The following TENM2 variants were observed in gnomAD, a reference collection of about 807,000 sequenced individuals.
TENM2 encodes the protein teneurin transmembrane protein 2.
TENM2 carries 52 observed loss-of-function variants against 245.2 expected under a neutral mutation model. The ratio of observed to expected loss-of-function variants is 0.21; its 90% confidence interval spans 0.17 to 0.27. The LOEUF (loss-of-function observed/expected upper bound fraction) is 0.27, where lower values mean the gene tolerates loss of function less well. TENM2 is among the 10% of genes least tolerant of loss of function. The probability of loss-of-function intolerance (pLI) is 1.00; values close to 1 mark genes in which losing one functional copy is unlikely to be tolerated. For synonymous variants in TENM2, 1,363 were observed against 1,438.9 expected, an observed-to-expected ratio of 0.95 and a Z score of 1.19; for missense variants, 3,046 against 3,666.8, an observed-to-expected ratio of 0.83 and a Z score of 4.37.
intron 2 of TENM2, among the ~76,000 whole-genome samples, chr5:167,702,420 A>G (rs925376384): frequency 2.0e-5 from 3 of 151,772 alleles, no homozygotes; most frequent in Non-Finnish European, 4.4e-5. Flanking sequence ...TCTTGCCAAC[A>G]CACTTGCTTA....
At chr5:167,710,625 C>G (rs1758846960) in intron 2 of TENM2, among the ~76,000 whole-genome samples, 1 of 152,068 alleles carries the variant, frequency 6.6e-6, no homozygotes, top group Non-Finnish European at 1.5e-5. Flanking sequence ...CTTGCCATGA[C>G]ATAAATTAGG....
At chr5:168,223,213 C>T (rs958022126) in intron 23 of TENM2, among the ~76,000 whole-genome samples, 1 of 152,162 alleles carries the variant, frequency 6.6e-6, no homozygotes, top group African/African-American at 2.4e-5. Flanking sequence ...GTAGAAACTC[C>T]AATTCCTACT....
chr5:167,389,048 A>G (rs1184129256), intron 2 of TENM2, among the ~76,000 whole-genome samples: 3 of 152,040 alleles, frequency 2.0e-5, no homozygotes. Context: ...CTCAAAATAA[A>G]ACAGAATCCT....
chr5:167,051,977 C>T, the TENM2 span, among the ~76,000 whole-genome samples: 23,152 of 151,890 alleles, frequency 0.15, 2,617 homozygotes, highest in East Asian at 0.4. Context: ...TTTTTCTTTG[C>T]GCTTTTGAAT....
chr5:167,415,676 A>T (rs772108352), intron 2 of TENM2, among the ~76,000 whole-genome samples: 2 of 152,138 alleles, frequency 1.3e-5, no homozygotes, highest in African/African-American at 2.4e-5. Context: ...GAAGCAAAAA[A>T]AAAAGTACTG....
intron 3 of TENM2, among the ~76,000 whole-genome samples, chr5:167,897,404 A>C (rs1429042228): frequency 6.6e-6 from 1 of 152,160 alleles, no homozygotes; most frequent in Non-Finnish European, 1.5e-5. Flanking sequence ...CAAAAACAAT[A>C]TTAGCTAAAG....
chr5:168,077,924 A>G (rs1397874530), intron 7 of TENM2, among the ~76,000 whole-genome samples: 1 of 152,200 alleles, frequency 6.6e-6, no homozygotes, highest in East Asian at 1.9e-4. Flanking sequence ...ATGATTTATA[A>G]TCCTTTGGGT....
intron 2 of TENM2, among the ~76,000 whole-genome samples, chr5:167,547,521 A>C (rs1156308068): frequency 6.6e-6 from 1 of 152,194 alleles, no homozygotes; most frequent in African/African-American, 2.4e-5. Flanking sequence ...TCTTAAATTT[A>C]TTTCTTTTTA....
intron 2 of TENM2, among the ~76,000 whole-genome samples, chr5:167,551,217 C>T (rs1772917592): frequency 6.6e-6 from 1 of 152,140 alleles, no homozygotes. Context: ...GTGTAAAGTG[C>T]TTATTACGTC....
At chr5:168,080,590 A>G (rs531390393) in intron 7 of TENM2, among the ~76,000 whole-genome samples, 20 of 151,674 alleles carry the variant, frequency 1.3e-4, no homozygotes, top group Non-Finnish European at 2.7e-4. Flanking sequence ...TTCCCTCTAC[A>G]CACGGTTTTA....
chr5:167,755,240 C>T (rs1762231735), intron 2 of TENM2: 3 of 1,417,148 alleles, frequency 2.1e-6, no homozygotes, highest in Non-Finnish European at 3.0e-6. Flanking sequence ...AAGCACCTGT[C>T]CTCACTGACA....
At chr5:168,237,819 CTTG>C (rs1231537722) in intron 25 of TENM2, among the ~76,000 whole-genome samples, 1 of 151,786 alleles carries the variant, frequency 6.6e-6, no homozygotes, top group East Asian at 1.9e-4. Context: ...AGCATTGAGT[CTTG>C]TTGTGTGGGA....
At chr5:167,299,451 G>T (rs1188186245) in intron 1 of TENM2, among the ~76,000 whole-genome samples, 1 of 152,160 alleles carries the variant, frequency 6.6e-6, no homozygotes, top group East Asian at 1.9e-4. Flanking sequence ...AGTCCTGGGT[G>T]GGGGCAAATC....
intron 2 of TENM2, among the ~76,000 whole-genome samples, chr5:167,808,433 T>A (rs1405951480): frequency 6.6e-6 from 1 of 152,146 alleles, no homozygotes; most frequent in Non-Finnish European, 1.5e-5. Flanking sequence ...CTAATTTTTA[T>A]ATTTTTAGTA....
At chr5:167,843,030 T>C (rs1769695123) in intron 2 of TENM2, among the ~76,000 whole-genome samples, 1 of 152,198 alleles carries the variant, frequency 6.6e-6, no homozygotes, top group Admixed American at 6.5e-5. Flanking sequence ...TTTGAGATGA[T>C]TGTATTGGTA....
intron 2 of TENM2, among the ~76,000 whole-genome samples, chr5:167,705,387 G>T (rs1758435515): frequency 6.6e-6 from 1 of 152,170 alleles, no homozygotes; most frequent in South Asian, 2.1e-4. Flanking sequence ...ATAGAAACCT[G>T]AGTGTGCCTG....
chr5:167,065,065 A>C, the TENM2 span, among the ~76,000 whole-genome samples: 1 of 152,200 alleles, frequency 6.6e-6, no homozygotes, highest in Non-Finnish European at 1.5e-5. Context: ...CACAGTAATA[A>C]AAATAAAGTA....
chr5:168,217,110 G>A (rs1196280603), intron 22 of TENM2, among the ~76,000 whole-genome samples, 188 bp downstream of exon 24: 8 of 150,032 alleles, frequency 5.3e-5, no homozygotes, highest in Non-Finnish European at 7.4e-5. Context: ...AGATAGGTAT[G>A]AGAGAGAGAG....
At chr5:167,478,990 A>ATGTGTGTG (rs58286500) in intron 2 of TENM2, among the ~76,000 whole-genome samples, 14 of 151,366 alleles carry the variant, frequency 9.2e-5, no homozygotes, top group African/African-American at 2.2e-4. Context: ...CTTTATATAT[A>ATGTGTGTG]TGTGTGTGTG....
Sources: gnomAD v4.1 joint callset for allele counts (sites outside exome capture counted in the v4.1 genomes callset) on GRCh38, gnomAD v4.1.1 for gene constraint, MANE v1.5 for transcripts, NCBI Gene and HGNC (gene_info 2026-07-23, HGNC 2026-07-21) for gene names.